Variants in AHDC1 observed in about 807,000 individuals in gnomAD.
AHDC1 encodes the protein AT-hook DNA binding motif containing 1.
AHDC1 carries 7 observed loss-of-function variants against 87.9 expected under a neutral mutation model. The ratio of observed to expected loss-of-function variants is 0.08; its 90% CI spans 0.05 to 0.15. The LOEUF (loss-of-function observed/expected upper bound fraction) is 0.15, where lower values mean the gene tolerates loss of function less well. AHDC1 is among the 10% of genes least tolerant of loss of function. The pLI, the probability that AHDC1 is intolerant of heterozygous loss-of-function variation, is 1.00. For missense variants in AHDC1, 1,841 were observed against 2,253.2 expected (o/e 0.82, Z 3.70); for synonymous variants, 1,051 against 1,006.8 (o/e 1.04, Z -0.83).
At chr1:27,594,458 G>A (rs2089309514) in intron 3 of AHDC1, among the ~76,000 whole-genome samples, 1 of 152,220 alleles carries the variant, frequency 6.6e-6, no homozygotes, top group South Asian at 2.1e-4. Context: ...GTTCCTGGCT[G>A]AAAGACCAGG....
In AHDC1 at chr1:27,548,828, G is replaced by A. The variant is rs765777940; in HGVS notation, c.3288C>T (p.Pro1096=). Residue 1096 remains proline, a synonymous_variant, in exon 8 of 9, where the codon CCC becomes CCT. Coordinates refer to ENST00000673934, the MANE Select transcript of AHDC1 (RefSeq NM_001371928.1). Reference sequence around the variant, plus strand: ...CCCCCGCAAACTGCCGACAGTTCTCGGGCGAGGGCTGGAAGGAGGAGGAGG... The same window carrying A: ...CCCCCGCAAACTGCCGACAGTTCTCAGGCGAGGGCTGGAAGGAGGAGGAGG... ...SSSSSSFQPS[P]ENCRQFAGAS... 2.7e-5 allele frequency: 43 copies of A among 1,613,028 alleles called. 1 individual carries two copies. Among genetic ancestry groups the A allele is most frequent in the African/African-American group, 2.0e-4 (15 of 75,050 alleles).
At chr1:27,557,027 C>A (rs948753464) in intron 5 of AHDC1, among the ~76,000 whole-genome samples, 2 of 149,708 alleles carry the variant, frequency 1.3e-5, no homozygotes, top group African/African-American at 4.9e-5. Context: ...CCCACCCCAC[C>A]CTACCCCCAG....
At chr1:27,577,781 C>G (rs1451398749) in intron 3 of AHDC1, among the ~76,000 whole-genome samples, 1 of 152,212 alleles carries the variant, frequency 6.6e-6, no homozygotes, top group African/African-American at 2.4e-5. Context: ...CTCCCCCTGA[C>G]CTGCCAGGCC....
intron 8 of AHDC1, among the ~76,000 whole-genome samples, chr1:27,537,700 A>G (rs565048513): frequency 2.2e-4 from 33 of 152,320 alleles, no homozygotes; most frequent in Admixed American, 1.6e-3. Flanking sequence ...CCCCCAGCAC[A>G]CCAACCACTG....
chr1:27,572,245 C>T (rs2088553669), intron 3 of AHDC1, among the ~76,000 whole-genome samples: 1 of 152,100 alleles, frequency 6.6e-6, no homozygotes, highest in African/African-American at 2.4e-5. Context: ...GACTTAGGCA[C>T]CGTGGTAAAA....
intron 3 of AHDC1, among the ~76,000 whole-genome samples, chr1:27,582,212 C>A (rs1029397934): frequency 2.0e-5 from 3 of 152,252 alleles, no homozygotes; most frequent in African/African-American, 7.2e-5. Flanking sequence ...AGGAACAGAA[C>A]AGCGAATCCC....
chr1:27,565,130 A>G lies in AHDC1; in HGVS notation c.-628-6247T>C, dbSNP rs2020263248. Among the ~76,000 whole-genome samples, 1 of 152,182 alleles carries G rather than the reference A, an allele frequency of 6.6e-6. No individual in the cohort carries two copies. The highest frequency in any genetic ancestry group is 2.4e-5 in the African/African-American group (1 of 41,450). ...CTGGCAGGCATGCTCGCTCCCGCGC[A>G]GGGAAGCGGCTAATTTTAGCTGAGG... On this transcript the variant is annotated intron_variant, in intron 3 of 8. Transcript: ENST00000673934. This position sits in a 1 kb window ranked among gnomAD's most constrained non-coding sequence, Gnocchi z 4.6.
intron 3 of AHDC1, among the ~76,000 whole-genome samples, chr1:27,571,419 T>G (rs567788158): frequency 3.9e-5 from 6 of 152,098 alleles, no homozygotes; most frequent in African/African-American, 1.4e-4. Context: ...AGCAGAACCC[T>G]GAGCTGCAGC....
At chr1:27,576,947 G>A (rs1414108199) in intron 3 of AHDC1, among the ~76,000 whole-genome samples, 2 of 152,054 alleles carry the variant, frequency 1.3e-5, no homozygotes, top group East Asian at 1.9e-4. Flanking sequence ...AGTGCTCACC[G>A]CCTGCCCACA....
intron 8 of AHDC1, among the ~76,000 whole-genome samples, chr1:27,539,963 ATCTCTCTCTC>A (rs143409425): frequency 6.8e-6 from 1 of 147,836 alleles, no homozygotes; most frequent in African/African-American, 2.5e-5. Context: ...CACCTCCTCC[ATCTCTCTCTC>A]TCTCTCTCTC....
At chr1:27,592,544 C>T (rs969111859) in intron 3 of AHDC1, among the ~76,000 whole-genome samples, 11 of 152,170 alleles carry the variant, frequency 7.2e-5, no homozygotes, top group Non-Finnish European at 1.3e-4. Context: ...ACCTCTCAGC[C>T]GCAACCACTT....
rs1195913812 is a variant in AHDC1, at chr1:27,534,261, GTTTTTTTT to G, written c.*691_*698del. 2.2e-5 allele frequency: 2 copies of G among 89,648 alleles called. No homozygotes were observed. Among genetic ancestry groups the G allele is most frequent in the Admixed American group, 2.2e-4 (2 of 9,186 alleles). The allele number at this position is 89,648 out of a possible 1,614,324, so 5.6% of individuals were successfully genotyped here. The stretch of plus-strand genomic sequence containing the variant: ...GACACAAGGTTGGTTTTTTTTTTTT[GTTTTTTTT>G]TTGTTTTTTTTTTGCTTTTTTTCAT... On this transcript the variant is annotated 3_prime_UTR_variant, in exon 9 of 9. Transcript: ENST00000673934.
chr1:27,567,392 G>C (rs2020368928), intron 3 of AHDC1, among the ~76,000 whole-genome samples: 1 of 152,208 alleles, frequency 6.6e-6, no homozygotes, highest in Admixed American at 6.5e-5. Context: ...CGGGGGGCCG[G>C]GAGGGGGGCT....
At chr1:27,596,173 G>GT (rs2089365840) in intron 3 of AHDC1, among the ~76,000 whole-genome samples, 1 of 152,056 alleles carries the variant, frequency 6.6e-6, no homozygotes, top group Admixed American at 6.5e-5. Flanking sequence ...TGGGGTGCCT[G>GT]TGCGGGGGTG....
chr1:27,548,025 T>G lies in AHDC1; in HGVS notation c.4091A>C (p.His1364Pro). 1 of 1,611,376 alleles carries G rather than the reference T, an allele frequency of 6.2e-7. No individual in the cohort carries two copies. The highest frequency in any genetic ancestry group is 8.5e-7 in the Non-Finnish European group (1 of 1,177,972). The change falls in exon 8 of 9, where the codon CAC becomes CCC. Residue 1364 changes from histidine to proline, a missense_variant. Around this residue, in one of 13 missense-constraint regions of AHDC1, gnomAD observed 505 missense variants for 626.2 expected, o/e 0.81. Transcript: ENST00000673934. Reference protein sequence around the residue: ...PSDGTFGQGFHCDSPSLGAPE... With the variant: ...PSDGTFGQGFPCDSPSLGAPE... Reference sequence around the variant, plus strand: ...AGCACCCAGGCTGGGCGAGTCGCAGTGGAAGCCTTGGCCAAAGGTGCCATC... The same window carrying G: ...AGCACCCAGGCTGGGCGAGTCGCAGGGGAAGCCTTGGCCAAAGGTGCCATC...
Position 27,548,180 on chromosome 1 carries a change from G to A in AHDC1, c.3936C>T (p.Leu1312=), listed in dbSNP as rs752700635. 8.1e-6 allele frequency: 13 copies of A among 1,613,634 alleles called. No individual in the cohort carries two copies. The highest frequency in any genetic ancestry group is 1.6e-4 in the Middle Eastern group (1 of 6,082). ...VNPLFQDSPD[L]GLDYYSGDSS... ...TGTCCCCGCTATAGTAGTCCAGGCC[G>A]AGGTCAGGACTGTCCTGGAACAGTG... The change falls in exon 8 of 9, where the codon CTC becomes CTT. Residue 1312 remains leucine, a synonymous_variant. Transcript: ENST00000673934.
At position 27,551,432 on chromosome 1, in the gene AHDC1, C is replaced by T. The variant is rs1323027826; in HGVS notation, c.684G>A (p.Glu228=). The T allele has an allele frequency of 6.2e-7, 1 of 1,613,088 alleles. No individual in the cohort carries two copies. The highest frequency in any genetic ancestry group is 1.7e-5 in the Admixed American group (1 of 60,022). The change falls in exon 8 of 9, where the codon GAG becomes GAA. Residue 228 remains glutamate (E), a synonymous_variant. Transcript: ENST00000673934. The part of the protein sequence containing the change: ...ATAAATGLPP[E]PEPDSTDYSE... The stretch of plus-strand genomic sequence containing the variant: ...AGTAATCAGTGCTGTCTGGCTCAGG[C>T]TCTGGGGGCAGACCCGTGGCCGCAG...
chr1:27,594,576 C>A (rs1322848169), intron 3 of AHDC1, among the ~76,000 whole-genome samples: 5 of 152,198 alleles, frequency 3.3e-5, no homozygotes, highest in African/African-American at 1.2e-4. Flanking sequence ...AGCTTTGAAC[C>A]AGATGTCCAG....
chr1:27,585,044 G>C (rs1158355473), intron 3 of AHDC1, among the ~76,000 whole-genome samples: 1 of 151,788 alleles, frequency 6.6e-6, no homozygotes, highest in Non-Finnish European at 1.5e-5. Context: ...GTGGTGGCAG[G>C]CGCCTGTAAT....
Sources: allele counts gnomAD v4.1 joint callset (sites outside exome capture counted in the v4.1 genomes callset), GRCh38; gene constraint gnomAD v4.1.1; regional missense constraint gnomAD v4.1.1; non-coding constraint Gnocchi (gnomAD v3.1); transcripts MANE v1.5; gene names NCBI Gene and HGNC (gene_info 2026-07-23, HGNC 2026-07-21).